IBTK: variants seen among roughly 807,000 people sequenced by gnomAD.
The protein encoded by IBTK is inhibitor of Bruton tyrosine kinase.
In IBTK, 83 loss-of-function variants were observed where a neutral mutation model predicts 154.9. The observed-to-expected ratio is 0.54, with a 90% confidence interval of 0.45 to 0.64. The LOEUF (loss-of-function observed/expected upper bound fraction) is 0.64, where lower values mean the gene tolerates loss of function less well. IBTK is among the 30% of genes least tolerant of loss of function. The pLI, the probability that IBTK is intolerant of heterozygous loss-of-function variation, is 0.00. For missense variants in IBTK, 1,332 were observed against 1,584.6 expected, an observed-to-expected ratio of 0.84 and a Z score of 2.71; for synonymous variants, 515 against 536.1, an observed-to-expected ratio of 0.96 and a Z score of 0.54.
At chr6:82,211,244 TA>T in intron 15 of IBTK, 122 bp downstream of exon 15, 1 of 704,146 alleles carries the variant, frequency 1.4e-6, no homozygotes, top group Non-Finnish European at 2.3e-6. Context: ...GCATAAAGTT[TA>T]ATATAAATGA....
intron 8 of IBTK, among the ~76,000 whole-genome samples, chr6:82,222,756 A>G (rs530007733): frequency 6.6e-6 from 1 of 152,142 alleles, no homozygotes; most frequent in Non-Finnish European, 1.5e-5. Context: ...CAGTTGGTGC[A>G]CCCACCCATA....
At chr6:82,222,686 CA>C (rs1770141323) in intron 8 of IBTK, among the ~76,000 whole-genome samples, 1 of 152,038 alleles carries the variant, frequency 6.6e-6, no homozygotes, top group Non-Finnish European at 1.5e-5. Flanking sequence ...TTAAATCATT[CA>C]AAATGAAATG....
chr6:82,221,064 C>T (rs577576128), intron 8 of IBTK, among the ~76,000 whole-genome samples: 6 of 152,218 alleles, frequency 3.9e-5, no homozygotes, highest in African/African-American at 9.6e-5. Flanking sequence ...CAGTGGCTCC[C>T]GCCTGTAATC....
At chr6:82,200,752 A>ATTTT in intron 19 of IBTK, 44 bp from the exon 20 acceptor site, 17 of 501,222 alleles carry the variant, frequency 3.4e-5, no homozygotes, top group East Asian at 1.4e-4. Flanking sequence ...AAATCTGTGA[A>ATTTT]GTTTTTTTTT....
chr6:82,244,202 T>C (rs1177463312), intron 1 of IBTK, among the ~76,000 whole-genome samples: 2 of 152,188 alleles, frequency 1.3e-5, no homozygotes, highest in Admixed American at 1.3e-4. Context: ...CGACAAATAA[T>C]AGTTTTCATT....
chr6:82,233,270 T>C (rs527898425), intron 3 of IBTK, among the ~76,000 whole-genome samples: 3 of 152,058 alleles, frequency 2.0e-5, no homozygotes, highest in Admixed American at 6.5e-5. Flanking sequence ...GAAGCTGCAA[T>C]GAGCCGTGTT....
At chr6:82,210,609 G>A (rs887125842) in intron 16 of IBTK, among the ~76,000 whole-genome samples, 1 of 151,944 alleles carries the variant, frequency 6.6e-6, no homozygotes, top group Non-Finnish European at 1.5e-5. Flanking sequence ...ATAATCCCTT[G>A]AGCCTAGGAG....
chr6:82,221,939 C>T (rs973494917), intron 8 of IBTK, among the ~76,000 whole-genome samples: 1 of 151,956 alleles, frequency 6.6e-6, no homozygotes, highest in African/African-American at 2.4e-5. Context: ...CCAAGGTGGG[C>T]GAATCACCTG....
rs575357129 is a variant in IBTK at position 82,228,930 on chromosome 6, T to C, written c.544-1628A>G. ...GCCACTGCGCCCAGCCTAAAACCCC[T>C]GAATTTTTAAATAAGAACTGAGCAT... On this transcript the variant is annotated intron_variant, in intron 4 of 28. Coordinates refer to ENST00000306270, the MANE Select transcript of IBTK (RefSeq NM_015525.4). Among the ~76,000 whole-genome samples, 3 of 152,204 alleles carry C rather than the reference T, an allele frequency of 2.0e-5. No individual in the cohort carries two copies. In the South Asian group the frequency reaches 6.2e-4, roughly 32 times the overall value.
At chr6:82,173,684 T>TATATAC (rs1554181580) in intron 26 of IBTK, 3 of 220,698 alleles carry the variant, frequency 1.4e-5, no homozygotes, top group Admixed American at 5.8e-5. Context: ...AATATATATA[T>TATATAC]ACACACACCA....
intron 19 of IBTK, 113 bp downstream of exon 19, chr6:82,201,309 G>T: frequency 1.8e-6 from 1 of 564,466 alleles, no homozygotes; most frequent in Non-Finnish European, 3.0e-6. Flanking sequence ...AGTTTTAAAA[G>T]ATCCTAATGT....
At chr6:82,229,971 A>T (rs543482) in intron 4 of IBTK, among the ~76,000 whole-genome samples, 67,681 of 152,028 alleles carry the variant, frequency 0.45, 15,376 homozygotes, top group East Asian at 0.74. Context: ...TTAGTTTAAA[A>T]AATAGTGTTC....
At chr6:82,203,637 G>T (rs1769294154) in intron 17 of IBTK, among the ~76,000 whole-genome samples, 1 of 152,060 alleles carries the variant, frequency 6.6e-6, no homozygotes, top group Non-Finnish European at 1.5e-5. Flanking sequence ...GACCAAAGGA[G>T]GTGGTAGCCT....
intron 16 of IBTK, among the ~76,000 whole-genome samples, chr6:82,207,241 T>C (rs574603780): frequency 6.6e-6 from 1 of 152,274 alleles, no homozygotes; most frequent in South Asian, 2.1e-4. Context: ...TCAGCAAGGT[T>C]GCAGGATATA....
Position 82,227,247 on chromosome 6 carries a change from G to C in IBTK, c.599C>G (p.Thr200Ser). 3 of 1,612,228 alleles carry C rather than the reference G, an allele frequency of 1.9e-6. No homozygotes were observed. Among genetic ancestry groups the C allele is most frequent in the Non-Finnish European group, 2.5e-6 (3 of 1,179,106 alleles). ...VFLSQKGQVY[T>S]CGHGPGGRLG... The stretch of plus-strand genomic sequence containing the variant: ...TCGCCCTCCAGGACCATGACCACAG[G>C]TATAAACCTGCCCTTTCTGAGACAG... The change falls in exon 5 of 29, where the codon ACC (threonine) becomes AGC (serine). Residue 200 changes from threonine (T) to serine (S), a missense_variant. Around this residue, in one of 3 missense-constraint regions of IBTK, gnomAD observed 114 missense variants for 213.7 expected, o/e 0.53. Transcript: ENST00000306270.
In IBTK at chr6:82,240,384, C is replaced by A. The variant is rs1393661020; in HGVS notation, c.103G>T (p.Ala35Ser). ...TTGTAACAATGACTGGAGAGAAAGGCCTTAATCTGGTTTTCGCTCCCCTTT... is the reference window on the plus strand; with the variant it reads ...TTGTAACAATGACTGGAGAGAAAGGACTTAATCTGGTTTTCGCTCCCCTTT... ...VTKGSENQIK[A>S]FLSSHCYNAA... is the part of the protein sequence containing the mutation. The change falls in exon 2 of 29, where the codon GCC becomes TCC. Residue 35 changes from alanine (A) to serine (S), a missense_variant. Physicochemically the swap from Ala to Ser is moderately conservative, Grantham distance 99. Around this residue, in one of 3 missense-constraint regions of IBTK, gnomAD observed 84 missense variants for 96.2 expected, o/e 0.87. Transcript: ENST00000306270. 1.2e-5 allele frequency: 20 copies of A among 1,614,064 alleles called. No homozygotes were observed. The highest frequency in any genetic ancestry group is 1.6e-5 in the Non-Finnish European group (19 of 1,180,038).
At chr6:82,202,732 AT>A (rs1769257059) in intron 17 of IBTK, 87 bp from the exon 18 acceptor site, 1 of 682,456 alleles carries the variant, frequency 1.5e-6, no homozygotes, top group Non-Finnish European at 2.4e-6. Flanking sequence ...AAGCTGTACG[AT>A]TTGAACATTT....
intron 16 of IBTK, among the ~76,000 whole-genome samples, chr6:82,208,757 A>G (rs774474803): frequency 2.0e-5 from 3 of 152,140 alleles, no homozygotes; most frequent in Non-Finnish European, 2.9e-5. Flanking sequence ...AATAAAAAAA[A>G]ATTAAGTTTT....
At chr6:82,197,482 G>A (rs1769041609) in intron 21 of IBTK, among the ~76,000 whole-genome samples, 1 of 150,614 alleles carries the variant, frequency 6.6e-6, no homozygotes. Context: ...TGTTTCTCCT[G>A]CCTCAGCCTT....
Sources: gnomAD v4.1 joint callset for allele counts (sites outside exome capture counted in the v4.1 genomes callset) on GRCh38, gnomAD v4.1.1 for gene constraint, gnomAD v4.1.1 regional missense constraint, MANE v1.5 for transcripts, NCBI Gene and HGNC (gene_info 2026-07-23, HGNC 2026-07-21) for gene names.